The following MAPRE3 variants were observed in gnomAD, a reference collection of about 807,000 sequenced individuals.
The protein encoded by MAPRE3 is microtubule associated protein RP/EB family member 3.
MAPRE3 carries 2 observed loss-of-function variants against 30.5 expected under a neutral mutation model. The ratio of observed to expected loss-of-function variants is 0.07; its 90% CI spans 0.03 to 0.21. The LOEUF (loss-of-function observed/expected upper bound fraction) is 0.21, where lower values mean the gene tolerates loss of function less well. Ranked by LOEUF, MAPRE3 falls within the 10% of genes least tolerant of loss-of-function variation. The pLI is 1.00. For missense variants in MAPRE3, 204 were observed against 351.8 expected, an observed-to-expected ratio of 0.58 and a Z score of 3.36; for synonymous variants, 110 against 127.7, an observed-to-expected ratio of 0.86 and a Z score of 0.93.
At chr2:27,024,964 T>C (rs11678188) in intron 4 of MAPRE3, among the ~76,000 whole-genome samples, 89,832 of 152,010 alleles carry the variant, frequency 0.59, 27,019 homozygotes, top group East Asian at 0.77. Flanking sequence ...CTCGCCCGCC[T>C]GCTTGCTTTG....
At chr2:26,987,434 C>G (rs6547356) in intron 1 of MAPRE3, among the ~76,000 whole-genome samples, 82,253 of 151,810 alleles carry the variant, frequency 0.54, 23,281 homozygotes, top group East Asian at 0.76. Flanking sequence ...GTCAGGAGTT[C>G]AAGACCAGCC....
chr2:26,999,804 A>G (rs1169183065), intron 1 of MAPRE3, among the ~76,000 whole-genome samples: 5 of 152,074 alleles, frequency 3.3e-5, no homozygotes, highest in Non-Finnish European at 5.9e-5. Flanking sequence ...GCCCAGCCCA[A>G]CTACATGCAC....
At chr2:27,017,848 A>G (rs1667022590) in intron 1 of MAPRE3, among the ~76,000 whole-genome samples, 1 of 152,096 alleles carries the variant, frequency 6.6e-6, no homozygotes, top group Admixed American at 6.6e-5. Context: ...CATATAATGT[A>G]TATATAATAT....
chr2:27,025,987 C>T lies in MAPRE3; in HGVS notation c.732C>T (p.Asn244=), dbSNP rs764201316. The change falls in exon 6 of 7, where the codon AAC becomes AAT. Residue 244 remains asparagine, a synonymous_variant. Coordinates refer to ENST00000233121, the MANE Select transcript of MAPRE3 (RefSeq NM_012326.4). ...TCTGCCAGGAGCATGAAAGTGAAAA[C>T]AGCCCTGTTATCTCAGGCATCATTG... The part of the protein sequence containing the change: ...ELICQEHESE[N]SPVISGIIGI... 6.2e-7 allele frequency: 1 copy of T among 1,614,254 alleles called. No individual in the cohort carries two copies. Among genetic ancestry groups the T allele is most frequent in the Non-Finnish European group, 8.5e-7 (1 of 1,180,040 alleles).
intron 3 of MAPRE3, 61 bp from the exon 4 acceptor site, chr2:27,024,035 G>T: frequency 1.5e-6 from 2 of 1,360,030 alleles, no homozygotes; most frequent in Non-Finnish European, 2.1e-6. Flanking sequence ...GCCCTCAGCA[G>T]AGGAAGGCGG....
chr2:26,998,449 A>G (rs1195572911), intron 1 of MAPRE3, among the ~76,000 whole-genome samples: 2 of 152,246 alleles, frequency 1.3e-5, no homozygotes, highest in Non-Finnish European at 2.9e-5. Context: ...CACTTTCCTC[A>G]TTCTAGAAGA....
At chr2:27,003,174 C>A (rs1666642135) in intron 1 of MAPRE3, 1 of 152,634 alleles carries the variant, frequency 6.6e-6, no homozygotes, top group Non-Finnish European at 1.5e-5. Flanking sequence ...AGTGAGGAGT[C>A]AGCCATGGGT....
chr2:26,989,466 G>A (rs1349307272), intron 1 of MAPRE3, among the ~76,000 whole-genome samples: 3 of 152,210 alleles, frequency 2.0e-5, no homozygotes, highest in Non-Finnish European at 4.4e-5. Context: ...CTGAGCTGTG[G>A]TGTGACTCAT....
At chr2:27,012,788 G>A (rs559343373) in intron 1 of MAPRE3, 2 of 152,758 alleles carry the variant, frequency 1.3e-5, no homozygotes, top group South Asian at 4.2e-4. Context: ...CTGGTGGAAA[G>A]CTTAAAGTAT....
At chr2:26,982,937 C>T (rs1181148103) in intron 1 of MAPRE3, among the ~76,000 whole-genome samples, 1 of 152,144 alleles carries the variant, frequency 6.6e-6, no homozygotes, top group Non-Finnish European at 1.5e-5. Flanking sequence ...ACAAGAGTGC[C>T]AGCAAAAGCA....
Position 27,027,138 on chromosome 2 carries a change from C to G in MAPRE3, c.*790C>G, listed in dbSNP as rs556495038. Reference sequence around the variant, plus strand: ...CCTGCCCTCCCCACCCCCTGCCCCTCGGGCACCAGCCTGCATATGTGTTCA... The same window carrying G: ...CCTGCCCTCCCCACCCCCTGCCCCTGGGGCACCAGCCTGCATATGTGTTCA... On this transcript the variant is annotated 3_prime_UTR_variant, in exon 7 of 7. Transcript: ENST00000233121. 6.6e-6 allele frequency: 1 copy of G among 152,536 alleles called. No individual in the cohort carries two copies. The highest frequency in any genetic ancestry group is 2.1e-4 in the South Asian group (1 of 4,852). The allele number at this position is 152,536 out of a possible 1,614,324, so 9.4% of individuals were successfully genotyped here.
chr2:27,001,840 C>T (rs1008952614), intron 1 of MAPRE3, among the ~76,000 whole-genome samples: 4 of 152,170 alleles, frequency 2.6e-5, no homozygotes, highest in African/African-American at 7.2e-5. Context: ...TGTTTTCCCC[C>T]GGCTTCATGG....
rs1572777957 is a variant in MAPRE3 at position 27,026,672 on chromosome 2, G to C, written c.*324G>C. ...AGCCACCTGCTCCTGACAGCCAGCA[G>C]CTGTGTATTTGACAAAGTCATTGGT... is the stretch of plus-strand genomic sequence containing the variant. On this transcript the variant is annotated 3_prime_UTR_variant, in exon 7 of 7. Coordinates refer to ENST00000233121, the MANE Select transcript of MAPRE3 (RefSeq NM_012326.4). The C allele has an allele frequency of 3.1e-6, 1 of 323,846 alleles. No homozygotes were observed. The highest frequency in any genetic ancestry group is 5.7e-5 in the East Asian group (1 of 17,546). 20.1% of individuals were successfully genotyped at this position (323,846 alleles called of 1,614,324 possible).
intron 1 of MAPRE3, among the ~76,000 whole-genome samples, chr2:26,975,153 G>A (rs148590660): frequency 2.0e-4 from 30 of 152,298 alleles, no homozygotes; most frequent in African/African-American, 6.3e-4. Flanking sequence ...GTGTGGTGGG[G>A]GTGGCTAGTT....
At chr2:27,005,948 C>T (rs1282000610) in intron 1 of MAPRE3, among the ~76,000 whole-genome samples, 7 of 152,008 alleles carry the variant, frequency 4.6e-5, no homozygotes, top group Admixed American at 6.6e-5. Flanking sequence ...TTTGGGAGGC[C>T]GAGGTGGGCG....
At chr2:27,020,730 G>A (rs577447278) in intron 1 of MAPRE3, among the ~76,000 whole-genome samples, 72 of 152,298 alleles carry the variant, frequency 4.7e-4, no homozygotes, top group Non-Finnish European at 9.1e-4. Flanking sequence ...AGGCAAATTC[G>A]GCCAAGGAGT....
chr2:26,976,570 C>T (rs1157068463), intron 1 of MAPRE3, among the ~76,000 whole-genome samples: 1 of 152,200 alleles, frequency 6.6e-6, no homozygotes, highest in African/African-American at 2.4e-5. Context: ...AGCACCATGC[C>T]CTACCAGCTT....
chr2:27,003,544 C>T (rs889773560), intron 1 of MAPRE3, among the ~76,000 whole-genome samples: 6 of 152,186 alleles, frequency 3.9e-5, no homozygotes, highest in Non-Finnish European at 7.3e-5. Context: ...CATGGCTTTA[C>T]GCTTCTCTGT....
chr2:27,016,462 G>A (rs1009436773), intron 1 of MAPRE3, among the ~76,000 whole-genome samples: 4 of 148,494 alleles, frequency 2.7e-5, no homozygotes, highest in Admixed American at 1.4e-4. Flanking sequence ...TTGGCTCACT[G>A]CAAGCTCCGC....
Sources: allele counts gnomAD v4.1 joint callset (sites outside exome capture counted in the v4.1 genomes callset), GRCh38; gene constraint gnomAD v4.1.1; transcripts MANE v1.5; gene names NCBI Gene and HGNC (gene_info 2026-07-23, HGNC 2026-07-21).